DCDC1: variants seen among roughly 807,000 people sequenced by gnomAD.
DCDC1 encodes doublecortin domain-containing protein 1.
DCDC1 carries 200 observed loss-of-function variants against 178.3 expected under a neutral mutation model. The ratio of observed to expected loss-of-function variants is 1.12; its 90% CI spans 1.00 to 1.26. The LOEUF is 1.26. Ranked by LOEUF, DCDC1 falls within the 50% of genes most tolerant of loss-of-function variation. DCDC1 has a pLI of 0.00. For missense variants in DCDC1, 1,983 were observed against 1,749.2 expected, an observed-to-expected ratio of 1.13 and a Z score of -2.38; for synonymous variants, 690 against 604.8, an observed-to-expected ratio of 1.14 and a Z score of -2.07.
At chr11:31,157,758 T>TGGCAATGATGGTGGTAG in intron 9 of DCDC1, among the ~76,000 whole-genome samples, 1 of 152,250 alleles carries the variant, frequency 6.6e-6, no homozygotes, top group Admixed American at 6.5e-5. Flanking sequence ...TAGAAATGCA[T>TGGCAATGATGGTGGTAG]GGCAATGATG....
chr11:30,867,834 T>C (rs1027862402), intron 38 of DCDC1, among the ~76,000 whole-genome samples: 9 of 152,198 alleles, frequency 5.9e-5, no homozygotes, highest in African/African-American at 2.2e-4. Flanking sequence ...ATCTTCCTAA[T>C]CATATCACTG....
At chr11:31,121,621 C>T (rs899347864) in intron 11 of DCDC1, among the ~76,000 whole-genome samples, 3 of 151,484 alleles carry the variant, frequency 2.0e-5, no homozygotes, top group African/African-American at 2.4e-5. Context: ...AGGTTAAGAA[C>T]ACCATATACA....
chr11:31,214,685 T>C (rs912209415), intron 9 of DCDC1, among the ~76,000 whole-genome samples: 5 of 152,306 alleles, frequency 3.3e-5, no homozygotes, highest in Non-Finnish European at 5.9e-5. Context: ...GTAGAGACAA[T>C]ATACCTTAAA....
intron 9 of DCDC1, among the ~76,000 whole-genome samples, chr11:31,173,023 G>A (rs1056270700): frequency 6.6e-6 from 1 of 152,034 alleles, no homozygotes; most frequent in African/African-American, 2.4e-5. Flanking sequence ...GACCTTAGAA[G>A]GAATCAATAC....
intron 36 of DCDC1, among the ~76,000 whole-genome samples, chr11:30,886,500 T>C (rs2134005041): frequency 6.6e-6 from 1 of 152,258 alleles, no homozygotes; most frequent in South Asian, 2.1e-4. Context: ...GCAGATTCAG[T>C]TTCTGGTGAG....
chr11:31,025,466 A>G (rs1590799463), intron 20 of DCDC1, among the ~76,000 whole-genome samples: 1 of 152,040 alleles, frequency 6.6e-6, no homozygotes, highest in African/African-American at 2.4e-5. Context: ...AAAGCTATGT[A>G]TACATTTAAA....
At chr11:30,903,102 A>G (rs949042203) in intron 32 of DCDC1, among the ~76,000 whole-genome samples, 1 of 151,914 alleles carries the variant, frequency 6.6e-6, no homozygotes, top group African/African-American at 2.4e-5. Context: ...CCCAGCCCCA[A>G]TTTCTTAAGT....
intron 1 of DCDC1, among the ~76,000 whole-genome samples, chr11:31,364,257 TATATAAATGCATATCCCCAC>T (rs1951847808): frequency 6.6e-6 from 1 of 152,162 alleles, no homozygotes; most frequent in African/African-American, 2.4e-5. Context: ...GGAGCTTCTG[TATATAAATGCATATCCCCAC>T]ATGACTGGAA....
intron 20 of DCDC1, among the ~76,000 whole-genome samples, chr11:31,029,512 A>G (rs1953478326): frequency 6.6e-6 from 1 of 152,116 alleles, no homozygotes; most frequent in Non-Finnish European, 1.5e-5. Context: ...GGGGACAAAT[A>G]TAGTTTTATA....
chr11:31,332,248 C>A (rs1037583910), intron 2 of DCDC1, among the ~76,000 whole-genome samples: 3 of 151,952 alleles, frequency 2.0e-5, no homozygotes, highest in Non-Finnish European at 4.4e-5. Context: ...TTTTTTATTG[C>A]GTCTATTTGA....
rs148496336 is a variant in DCDC1, at chr11:31,311,006, C to A, written c.165-3098G>T. Among the ~76,000 whole-genome samples, 161 of 152,268 alleles carry A rather than the reference C, an allele frequency of 1.1e-3. 1 individual carries two copies. Among genetic ancestry groups the A allele is most frequent in the African/African-American group, 3.6e-3 (149 of 41,542 alleles). ...TCCTATCTCCTTCTGTGTCTACCTG[C>A]CTCTTCTTCATACATCATTATTGCC... On this transcript the variant is annotated intron_variant, in intron 3 of 38. Transcript: ENST00000684477.
chr11:30,988,552 T>C (rs746213550), intron 20 of DCDC1, among the ~76,000 whole-genome samples: 4 of 152,150 alleles, frequency 2.6e-5, no homozygotes, highest in Non-Finnish European at 4.4e-5. Flanking sequence ...CCCACTCTTC[T>C]CCAGCCTCCC....
At chr11:31,113,744 A>T (rs899747143) in intron 11 of DCDC1, among the ~76,000 whole-genome samples, 8 of 152,106 alleles carry the variant, frequency 5.3e-5, no homozygotes, top group Non-Finnish European at 4.4e-5. Flanking sequence ...TTCTATAGAG[A>T]TAATCGAAAG....
At chr11:31,164,993 C>T (rs1966643303) in intron 9 of DCDC1, among the ~76,000 whole-genome samples, 1 of 152,124 alleles carries the variant, frequency 6.6e-6, no homozygotes, top group African/African-American at 2.4e-5. Flanking sequence ...CAAATACTTA[C>T]CATTATGTAA....
chr11:31,127,460 G>A lies in DCDC1; in HGVS notation c.1485+9C>T, dbSNP rs1259252397. The A allele has an allele frequency of 4.3e-6, 3 of 701,494 alleles. No individual in the cohort carries two copies. The highest frequency in any genetic ancestry group is 1.7e-5 in the African/African-American group (1 of 57,176). The allele number at this position is 701,494 out of a possible 1,614,324, so 43.5% of individuals were successfully genotyped here. ...CTGAATCCAATGAGAGGCACAGAAC[G>A]ACACCCACCTTAAGCTGCAGGCCTC... On this transcript the variant is annotated intron_variant, in intron 11 of 38. Coordinates refer to ENST00000684477, the MANE Select transcript of DCDC1 (RefSeq NM_001387274.1).
intron 20 of DCDC1, among the ~76,000 whole-genome samples, chr11:31,053,220 G>A (rs1467906913): frequency 2.0e-5 from 3 of 152,052 alleles, no homozygotes; most frequent in Admixed American, 6.6e-5. Flanking sequence ...CACATAAACT[G>A]GAAAACCTAC....
chr11:31,113,079 C>T (rs1959224005), intron 11 of DCDC1, among the ~76,000 whole-genome samples: 3 of 151,994 alleles, frequency 2.0e-5, no homozygotes, highest in Admixed American at 1.3e-4. Flanking sequence ...TCTTCTTTAA[C>T]AAAAACAATG....
chr11:31,081,640 T>G (rs541234149), intron 17 of DCDC1, among the ~76,000 whole-genome samples: 1 of 151,796 alleles, frequency 6.6e-6, no homozygotes, highest in East Asian at 1.9e-4. Context: ...AGAAAAGAAA[T>G]AATTCTGAAA....
intron 20 of DCDC1, among the ~76,000 whole-genome samples, chr11:30,996,880 A>G (rs1161302805): frequency 6.6e-6 from 1 of 152,234 alleles, no homozygotes; most frequent in African/African-American, 2.4e-5. Context: ...GTTCGCATAA[A>G]AACGTACATG....
Sources: allele counts gnomAD v4.1 joint callset (sites outside exome capture counted in the v4.1 genomes callset), GRCh38; gene constraint gnomAD v4.1.1; transcripts MANE v1.5; gene names NCBI Gene and HGNC (gene_info 2026-07-23, HGNC 2026-07-21).